Variants in LRRIQ3 observed in about 807,000 individuals in gnomAD.
LRRIQ3 encodes the protein leucine rich repeats and IQ motif containing 3.
LRRIQ3 carries 75 observed loss-of-function variants against 59.3 expected under a neutral mutation model. The observed-to-expected ratio is 1.26, with a 90% confidence interval of 1.05 to 1.53. The LOEUF is 1.53. LRRIQ3 is among the 40% of genes most tolerant of loss of function. The probability of loss-of-function intolerance (pLI) is 0.00; values close to 1 mark genes in which losing one functional copy is unlikely to be tolerated. For missense variants in LRRIQ3, 831 were observed against 710.0 expected, an observed-to-expected ratio of 1.17 and a Z score of -1.94; for synonymous variants, 250 against 231.3, an observed-to-expected ratio of 1.08 and a Z score of -0.73.
chr1:74,181,696 A>C (rs900190655), intron 3 of LRRIQ3: 5 of 151,872 alleles, frequency 3.3e-5, no homozygotes, highest in Non-Finnish European at 7.4e-5. Flanking sequence ...CTAAATTTTT[A>C]AAACTATTAC....
At chr1:74,144,339 G>T in intron 4 of LRRIQ3, 1 of 211,774 alleles carries the variant, frequency 4.7e-6, no homozygotes. Context: ...TTCTAAGTTA[G>T]TTATCATATA....
At chr1:74,061,427 T>C (rs750324740) in intron 6 of LRRIQ3, among the ~76,000 whole-genome samples, 2 of 152,174 alleles carry the variant, frequency 1.3e-5, no homozygotes, top group Non-Finnish European at 2.9e-5. Flanking sequence ...ACATTCTTCA[T>C]TGAATTAGAA....
rs566577182 is a variant in LRRIQ3 at position 74,029,153 on chromosome 1, T to C, written c.1719-2184A>G. On this transcript the variant is annotated intron_variant, in intron 7 of 7. Coordinates refer to ENST00000354431, the MANE Select transcript of LRRIQ3 (RefSeq NM_001105659.2). ...GTTTTCTAGATATACAATCACGTCA[T>C]CTGCAAACAGGGACAATTTGACTTC... Among the ~76,000 whole-genome samples, 92 of 152,262 alleles carry C rather than the reference T, an allele frequency of 6.0e-4. 1 individual carries two copies. The highest frequency in any genetic ancestry group is 2.2e-3 in the Admixed American group (33 of 15,286).
intron 3 of LRRIQ3, chr1:74,180,770 C>T (rs1043801873): frequency 6.5e-7 from 1 of 1,549,994 alleles, no homozygotes; most frequent in Non-Finnish European, 8.7e-7. Flanking sequence ...GCTTCATTTT[C>T]TCCTGTAAAA....
intron 4 of LRRIQ3, among the ~76,000 whole-genome samples, chr1:74,154,237 TCTCAAAAA>T (rs1648170730): frequency 6.7e-5 from 3 of 44,570 alleles, no homozygotes; most frequent in Admixed American, 4.2e-4. Context: ...CGAGACTCCT[TCTCAAAAA>T]AAAAAAAAAA....
intron 4 of LRRIQ3, among the ~76,000 whole-genome samples, chr1:74,128,827 C>G (rs545858446): frequency 2.6e-5 from 4 of 152,208 alleles, no homozygotes; most frequent in African/African-American, 9.6e-5. Flanking sequence ...TAGGGGGCAA[C>G]CCAAGCCCAG....
At chr1:74,134,079 A>G (rs1300293049) in intron 4 of LRRIQ3, among the ~76,000 whole-genome samples, 1 of 152,014 alleles carries the variant, frequency 6.6e-6, no homozygotes, top group South Asian at 2.1e-4. Flanking sequence ...TTATTGGAGT[A>G]AGAGTATCTG....
At position 74,119,177 on chromosome 1, in the gene LRRIQ3, G is replaced by A. The variant is rs1330866204; in HGVS notation, c.708-9624C>T. On this transcript the variant is annotated intron_variant, in intron 4 of 7. Coordinates refer to ENST00000354431, the MANE Select transcript of LRRIQ3 (RefSeq NM_001105659.2). ...AAAATGGTGATAGCAATTGTCACCA[G>A]CAATATAATTCCCTTTCTCTTAAAT... Among the ~76,000 whole-genome samples the A allele has an allele frequency of 3.3e-5, 5 of 152,134 alleles. No individual in the cohort carries two copies. The East Asian group carries it at 9.7e-4, about 29-fold the overall frequency.
chr1:74,096,447 G>A (rs1045177089), intron 5 of LRRIQ3, among the ~76,000 whole-genome samples: 1 of 152,002 alleles, frequency 6.6e-6, no homozygotes, highest in Middle Eastern at 3.4e-3. Context: ...CAGTCAAAAG[G>A]CAATTATAGG....
At chr1:74,105,913 TTA>T (rs1266181727) in intron 5 of LRRIQ3, among the ~76,000 whole-genome samples, 1 of 152,034 alleles carries the variant, frequency 6.6e-6, no homozygotes, top group Non-Finnish European at 1.5e-5. Flanking sequence ...CCAGGTTATT[TTA>T]TGTCAGGTGT....
At chr1:74,177,312 T>C (rs1010493770) in intron 3 of LRRIQ3, among the ~76,000 whole-genome samples, 6 of 152,102 alleles carry the variant, frequency 3.9e-5, no homozygotes, top group Admixed American at 2.0e-4. Context: ...CCTCAAACAT[T>C]GGACTCCAAG....
chr1:74,187,920 G>C (rs983695453), intron 1 of LRRIQ3, among the ~76,000 whole-genome samples: 2 of 152,078 alleles, frequency 1.3e-5, no homozygotes, highest in Admixed American at 1.3e-4. Flanking sequence ...CCATTACTGG[G>C]TATATACCTA....
chr1:74,042,044 GAAGAATTTTTCCC>G, intron 6 of LRRIQ3, 111 bp from the exon 7 acceptor site: 1 of 1,126,938 alleles, frequency 8.9e-7, no homozygotes, highest in South Asian at 3.0e-5. Flanking sequence ...ACTTTACTAA[GAAGAATTTTTCCC>G]AAGTACCTTT....
intron 3 of LRRIQ3, among the ~76,000 whole-genome samples, chr1:74,163,945 G>T (rs770950840): frequency 1.3e-5 from 2 of 151,164 alleles, no homozygotes; most frequent in Non-Finnish European, 3.0e-5. Flanking sequence ...TGAATAGTAT[G>T]TAGTAATATC....
chr1:74,036,876 A>C (rs1454942056), intron 7 of LRRIQ3, among the ~76,000 whole-genome samples: 1 of 152,250 alleles, frequency 6.6e-6, no homozygotes, highest in African/African-American at 2.4e-5. Context: ...AAGCACTTGT[A>C]CTAAGAAGTT....
chr1:74,082,481 G>A (rs1646284135), intron 5 of LRRIQ3: 1 of 151,404 alleles, frequency 6.6e-6, no homozygotes, highest in Non-Finnish European at 1.5e-5. Context: ...TTTCAAGAGG[G>A]AAATTCTTTT....
At chr1:74,058,808 T>C (rs1431000205) in intron 6 of LRRIQ3, among the ~76,000 whole-genome samples, 1 of 152,094 alleles carries the variant, frequency 6.6e-6, no homozygotes, top group East Asian at 1.9e-4. Flanking sequence ...TATATCTGTG[T>C]TGAAACATCA....
Position 74,037,182 on chromosome 1 carries a change from A to C in LRRIQ3, c.1718+4031T>G, listed in dbSNP as rs566475284. On this transcript the variant is annotated intron_variant, in intron 7 of 7. Coordinates refer to ENST00000354431, the MANE Select transcript of LRRIQ3 (RefSeq NM_001105659.2). ...ACTAGGTACTATACTGGGCATTGAA[A>C]TAGAAAGATGGAGTGAATAATACAA... Among the ~76,000 whole-genome samples, 137 of 152,334 alleles carry C rather than the reference A, an allele frequency of 9.0e-4. 1 individual carries two copies. The highest frequency in any genetic ancestry group is 3.0e-3 in the African/African-American group (125 of 41,578).
intron 1 of LRRIQ3, among the ~76,000 whole-genome samples, chr1:74,192,841 T>A (rs778926860): frequency 6.6e-6 from 1 of 152,190 alleles, no homozygotes; most frequent in Non-Finnish European, 1.5e-5. Context: ...TCTGTCGAAC[T>A]TTCCAATCAT....
Sources: allele counts gnomAD v4.1 joint callset (sites outside exome capture counted in the v4.1 genomes callset), GRCh38; gene constraint gnomAD v4.1.1; transcripts MANE v1.5; gene names NCBI Gene and HGNC (gene_info 2026-07-23, HGNC 2026-07-21).